The following LRMDA variants were observed in gnomAD, a reference collection of about 807,000 sequenced individuals.
The protein encoded by LRMDA is leucine rich melanocyte differentiation associated, also known as leucine-rich melanocyte differentiation-associated protein.
In LRMDA, 18 loss-of-function variants were observed where a neutral mutation model predicts 29.8. That is an observed-to-expected ratio of 0.60 (90% confidence interval 0.42 to 0.90). LRMDA has a LOEUF of 0.90. Ranked by LOEUF, LRMDA falls within the 40% of genes least tolerant of loss-of-function variation. LRMDA has a pLI of 0.00. For synonymous variants in LRMDA, 125 were observed against 109.4 expected (o/e 1.14, Z -0.89); for missense variants, 273 against 273.9 (o/e 1.00, Z 0.02).
chr10:75,710,514 A>G (rs2132176991), intron 2 of LRMDA, among the ~76,000 whole-genome samples: 1 of 152,348 alleles, frequency 6.6e-6, no homozygotes, highest in Non-Finnish European at 1.5e-5. Context: ...TATAATGTCC[A>G]TCCTATTAAT....
At chr10:76,156,419 A>G (rs1850538689) in intron 5 of LRMDA, among the ~76,000 whole-genome samples, 1 of 152,126 alleles carries the variant, frequency 6.6e-6, no homozygotes, top group African/African-American at 2.4e-5. Flanking sequence ...TGATTCTTCC[A>G]TTATTCTTTC....
intron 6 of LRMDA, among the ~76,000 whole-genome samples, chr10:76,537,790 G>C (rs1288140108): frequency 1.3e-5 from 2 of 152,026 alleles, no homozygotes; most frequent in Admixed American, 1.3e-4. Flanking sequence ...ATTCAAGTGT[G>C]GACATCTTGA....
chr10:76,493,318 C>T (rs1842851746), intron 6 of LRMDA, among the ~76,000 whole-genome samples: 1 of 151,966 alleles, frequency 6.6e-6, no homozygotes, highest in Non-Finnish European at 1.5e-5. Flanking sequence ...CAGTTTACCA[C>T]CAATGTTCGC....
chr10:76,168,661 A>G (rs1197207304), intron 5 of LRMDA, among the ~76,000 whole-genome samples: 1 of 152,040 alleles, frequency 6.6e-6, no homozygotes, highest in Non-Finnish European at 1.5e-5. Flanking sequence ...CTGTATGATG[A>G]GTAGATGAAA....
At chr10:76,519,530 A>G (rs556202369) in intron 6 of LRMDA, among the ~76,000 whole-genome samples, 1 of 152,288 alleles carries the variant, frequency 6.6e-6, no homozygotes, top group South Asian at 2.1e-4. Context: ...TTTGGCAGGG[A>G]GAAGGACATA....
At chr10:75,913,865 G>A (rs1035406599) in intron 2 of LRMDA, among the ~76,000 whole-genome samples, 2 of 152,168 alleles carry the variant, frequency 1.3e-5, no homozygotes, top group African/African-American at 4.8e-5. Context: ...ACCTGAGCAG[G>A]CTCCCATTTG....
At chr10:76,398,969 G>A (rs1260021765) in intron 6 of LRMDA, among the ~76,000 whole-genome samples, 1 of 152,124 alleles carries the variant, frequency 6.6e-6, no homozygotes, top group Admixed American at 6.5e-5. Context: ...TGTTAATAAA[G>A]TAGGTCCTTG....
intron 2 of LRMDA, among the ~76,000 whole-genome samples, chr10:75,742,194 C>T (rs963256981): frequency 9.9e-5 from 15 of 152,208 alleles, no homozygotes; most frequent in Non-Finnish European, 2.1e-4. Context: ...GCTCTCTCCA[C>T]GTCAAAGTTT....
intron 2 of LRMDA, among the ~76,000 whole-genome samples, chr10:75,852,659 CTG>C (rs1387547724): frequency 6.6e-6 from 1 of 152,138 alleles, no homozygotes; most frequent in Non-Finnish European, 1.5e-5. Context: ...AGGAAATTCT[CTG>C]TTGCCTATTG....
At chr10:76,449,023 T>G (rs1482820601) in intron 6 of LRMDA, among the ~76,000 whole-genome samples, 1 of 151,982 alleles carries the variant, frequency 6.6e-6, no homozygotes, top group African/African-American at 2.4e-5. Context: ...CATTATAATT[T>G]TATTAAATTG....
At chr10:75,978,479 T>G (rs1406935366) in intron 2 of LRMDA, among the ~76,000 whole-genome samples, 2 of 152,174 alleles carry the variant, frequency 1.3e-5, no homozygotes, top group African/African-American at 4.8e-5. Flanking sequence ...CTTTGACATC[T>G]CATTGGCCAG....
At chr10:75,656,377 A>G (rs1046145800) in intron 2 of LRMDA, among the ~76,000 whole-genome samples, 4 of 152,250 alleles carry the variant, frequency 2.6e-5, no homozygotes, top group African/African-American at 9.6e-5. Context: ...CAATAATAGA[A>G]GTACCCACTT....
chr10:75,946,564 C>A (rs923241236), intron 2 of LRMDA, among the ~76,000 whole-genome samples: 3 of 152,158 alleles, frequency 2.0e-5, no homozygotes, highest in Non-Finnish European at 4.4e-5. Context: ...GTCGCACAAC[C>A]TCTTAGAGGA....
chr10:76,260,012 C>CT (rs1057488513), intron 5 of LRMDA, among the ~76,000 whole-genome samples: 10 of 148,228 alleles, frequency 6.7e-5, no homozygotes, highest in South Asian at 2.2e-4. Context: ...ATAATTGGAT[C>CT]TTTTTTTTTT....
chr10:76,299,316 A>G (rs985944707), intron 5 of LRMDA, among the ~76,000 whole-genome samples: 1 of 152,202 alleles, frequency 6.6e-6, no homozygotes, highest in African/African-American at 2.4e-5. Flanking sequence ...TTGGACTTCC[A>G]GAGGCTCTGG....
intron 2 of LRMDA, among the ~76,000 whole-genome samples, chr10:75,654,448 T>C (rs1841641672): frequency 6.6e-6 from 1 of 152,202 alleles, no homozygotes; most frequent in Non-Finnish European, 1.5e-5. Flanking sequence ...TCAATACAAA[T>C]GGGAGGATGG....
chr10:76,048,543 T>A (rs1848479183), intron 4 of LRMDA, among the ~76,000 whole-genome samples: 1 of 152,166 alleles, frequency 6.6e-6, no homozygotes, highest in Admixed American at 6.5e-5. Flanking sequence ...TCAGAAGATC[T>A]GATGTGGAGT....
chr10:76,548,951 G>A (rs1278850469), intron 6 of LRMDA, among the ~76,000 whole-genome samples: 1 of 152,210 alleles, frequency 6.6e-6, no homozygotes, highest in Admixed American at 6.5e-5. Flanking sequence ...CAGGACCCAA[G>A]ATGGGAGAGT....
chr10:76,340,384 T>G (rs1220265000), intron 6 of LRMDA, among the ~76,000 whole-genome samples: 2 of 151,694 alleles, frequency 1.3e-5, no homozygotes, highest in Non-Finnish European at 2.9e-5. Flanking sequence ...GGCATGGTGA[T>G]GCATGCCTGT....
Sources: gnomAD v4.1 joint callset for allele counts (sites outside exome capture counted in the v4.1 genomes callset) on GRCh38, gnomAD v4.1.1 for gene constraint, MANE v1.5 for transcripts, NCBI Gene and HGNC (gene_info 2026-07-23, HGNC 2026-07-21) for gene names.